Variants in KLF8 observed in about 807,000 individuals in gnomAD.
KLF8 encodes Krueppel-like factor 8.
KLF8 carries 10 observed loss-of-function variants against 18.2 expected under a neutral mutation model. The observed-to-expected ratio is 0.55, with a 90% CI of 0.34 to 0.93. The LOEUF (loss-of-function observed/expected upper bound fraction) is 0.93, where lower values mean the gene tolerates loss of function less well. Among genes scored for constraint, KLF8 ranks in the 40% least tolerant of loss-of-function variants. The pLI, the probability that KLF8 is intolerant of heterozygous loss-of-function variation, is 0.02. For synonymous variants in KLF8, 109 were observed against 97.3 expected, an observed-to-expected ratio of 1.12 and a Z score of -0.71; for missense variants, 264 against 277.9, an observed-to-expected ratio of 0.95 and a Z score of 0.36.
chrX:56,147,177 A>G, the KLF8 span, among the ~76,000 whole-genome samples: 3 of 112,418 alleles, frequency 2.7e-5, no homozygotes, highest in African/African-American at 9.7e-5. Flanking sequence ...GAGGAGAAAC[A>G]GACTTTCATA....
At chrX:56,191,351 T>C in the KLF8 span, among the ~76,000 whole-genome samples, 7 of 111,930 alleles carry the variant, frequency 6.3e-5, no homozygotes, top group Non-Finnish European at 1.3e-4. Flanking sequence ...TGGGACCTGA[T>C]ACATTCACAG....
chrX:56,269,897 T>C (rs995806473), intron 4 of KLF8, among the ~76,000 whole-genome samples: 1 of 111,842 alleles, frequency 8.9e-6, no homozygotes, highest in Non-Finnish European at 1.9e-5. Context: ...ATGAAACTTA[T>C]TGAAGTGAAA....
chrX:56,041,242 G>A, the KLF8 span, among the ~76,000 whole-genome samples: 1 of 109,415 alleles, frequency 9.1e-6, no homozygotes, highest in Non-Finnish European at 1.9e-5. Context: ...TCCTGCTTCA[G>A]CCCCCTAAGT....
chrX:56,117,256 T>G, the KLF8 span, among the ~76,000 whole-genome samples: 2 of 112,366 alleles, frequency 1.8e-5, no homozygotes, highest in Non-Finnish European at 3.8e-5. Context: ...CTTATATACA[T>G]TTGAACTTGC....
chrX:56,180,173 G>C, the KLF8 span, among the ~76,000 whole-genome samples: 1 of 111,697 alleles, frequency 9.0e-6, no homozygotes, highest in Non-Finnish European at 1.9e-5. Flanking sequence ...TTTAGAAACT[G>C]TTATTGGTCT....
chrX:56,051,451 T>C, the KLF8 span, among the ~76,000 whole-genome samples: 1 of 110,921 alleles, frequency 9.0e-6, no homozygotes, highest in Non-Finnish European at 1.9e-5. Context: ...GGAGCTCTTG[T>C]AAGGCAGGCC....
the KLF8 span, among the ~76,000 whole-genome samples, chrX:55,924,897 C>A: frequency 2.2e-5 from 2 of 91,666 alleles, no homozygotes; most frequent in Non-Finnish European, 4.2e-5. Context: ...GCTCTGTCTC[C>A]CAGGCTGGAG....
chrX:55,991,012 T>C, the KLF8 span, among the ~76,000 whole-genome samples: 1 of 112,215 alleles, frequency 8.9e-6, no homozygotes, highest in Non-Finnish European at 1.9e-5. Context: ...GGAGAACCAC[T>C]ACTCTCTTCA....
At chrX:55,944,102 T>A in the KLF8 span, among the ~76,000 whole-genome samples, 1 of 111,972 alleles carries the variant, frequency 8.9e-6, no homozygotes, top group South Asian at 3.8e-4. Context: ...GTGGTTTTTG[T>A]CTTTGATTCT....
the KLF8 span, among the ~76,000 whole-genome samples, chrX:56,108,021 G>A: frequency 5.4e-5 from 6 of 111,906 alleles, no homozygotes; most frequent in Admixed American, 9.5e-5. Flanking sequence ...CATTGCTTGT[G>A]TGTAGAAACA....
chrX:56,178,089 G>C, the KLF8 span, among the ~76,000 whole-genome samples: 1 of 111,919 alleles, frequency 8.9e-6, no homozygotes, highest in Non-Finnish European at 1.9e-5. Context: ...CTCACACTGG[G>C]TGCACTGCAC....
chrX:56,060,764 G>C, the KLF8 span, among the ~76,000 whole-genome samples: 2 of 112,031 alleles, frequency 1.8e-5, no homozygotes, highest in Non-Finnish European at 3.8e-5. Flanking sequence ...GTTTCAGAAG[G>C]AATGGTACCA....
At chrX:55,927,898 T>C in the KLF8 span, among the ~76,000 whole-genome samples, 2 of 112,023 alleles carry the variant, frequency 1.8e-5, no homozygotes, top group Non-Finnish European at 3.8e-5. Context: ...TATATATATC[T>C]TTCACCCAGT....
At position 56,289,576 on chromosome X, in the gene KLF8, T is replaced by C. The variant is rs1275798232; in HGVS notation, c.*5082T>C. 8.9e-6 allele frequency among the ~76,000 whole-genome samples: 1 copy of C among 111,800 alleles called. No individual in the cohort carries two copies. The highest frequency in any genetic ancestry group is 1.9e-5 in the Non-Finnish European group (1 of 53,185). ...TTAGCTAAACATGAGTTCATATTGATGTTTTCAACTCTAACCTGTTACCAC... is the reference window on the plus strand; with the variant it reads ...TTAGCTAAACATGAGTTCATATTGACGTTTTCAACTCTAACCTGTTACCAC... On this transcript the variant is annotated 3_prime_UTR_variant, in exon 6 of 6. Transcript: ENST00000468660.
the KLF8 span, among the ~76,000 whole-genome samples, chrX:56,059,987 A>G: frequency 8.9e-6 from 1 of 111,837 alleles, no homozygotes; most frequent in Admixed American, 9.5e-5. Flanking sequence ...GTCCATGAGT[A>G]TGGAATGATT....
At position 56,274,265 on chromosome X, in the gene KLF8, A is replaced by G. The variant is rs138686588; in HGVS notation, c.898+3944A>G. Among the ~76,000 whole-genome samples, 753 of 112,178 alleles carry G rather than the reference A, an allele frequency of 6.7e-3. 7 individuals carry two copies. The highest frequency in any genetic ancestry group is 0.023 in the African/African-American group (716 of 30,969). ...TGTAGTTTTGATTTACGTTTCTCCGATTATCAGTGATGTTGAGCACCTTTT... is the reference window on the plus strand; with the variant it reads ...TGTAGTTTTGATTTACGTTTCTCCGGTTATCAGTGATGTTGAGCACCTTTT... On this transcript the variant is annotated intron_variant, in intron 5 of 5. Transcript: ENST00000468660.
chrX:56,072,491 C>A, the KLF8 span, among the ~76,000 whole-genome samples: 1 of 111,248 alleles, frequency 9.0e-6, no homozygotes. Flanking sequence ...TCATCCTTGG[C>A]AGTATCTCTT....
At chrX:56,137,426 T>C in the KLF8 span, among the ~76,000 whole-genome samples, 11,603 of 103,792 alleles carry the variant, frequency 0.11, 1,392 homozygotes, top group African/African-American at 0.34. Flanking sequence ...TATGCAGCCA[T>C]AAAAAATGAT....
the KLF8 span, among the ~76,000 whole-genome samples, chrX:55,951,128 A>G: frequency 7.2e-5 from 8 of 111,501 alleles, no homozygotes; most frequent in African/African-American, 2.6e-4. Context: ...CAAAATGGCA[A>G]TAAGTACTGC....
Sources: gnomAD v4.1 joint callset for allele counts (sites outside exome capture counted in the v4.1 genomes callset) on GRCh38, gnomAD v4.1.1 for gene constraint, MANE v1.5 for transcripts, NCBI Gene and HGNC (gene_info 2026-07-23, HGNC 2026-07-21) for gene names.